DAB1: variants seen among roughly 807,000 people sequenced by gnomAD.
The protein encoded by DAB1 is DAB adaptor protein 1.
A neutral mutation model predicts 64.6 loss-of-function variants in DAB1; 15 were observed. The observed-to-expected ratio is 0.23, with a 90% CI of 0.16 to 0.36. DAB1 has a LOEUF of 0.36. DAB1 is among the 10% of genes least tolerant of loss of function. The probability of loss-of-function intolerance (pLI) is 1.00; values close to 1 mark genes in which losing one functional copy is unlikely to be tolerated. For synonymous variants in DAB1, 235 were observed against 251.9 expected (o/e 0.93, Z 0.64); for missense variants, 596 against 706.7 (o/e 0.84, Z 1.78).
intron 7 of DAB1, among the ~76,000 whole-genome samples, chr1:57,606,484 T>C (rs966650060): frequency 2.5e-5 from 3 of 117,802 alleles, no homozygotes; most frequent in African/African-American, 7.0e-5. Context: ...AAATATATAA[T>C]ACATATGAAA....
At chr1:57,197,261 T>C (rs1043390233) in intron 2 of DAB1, among the ~76,000 whole-genome samples, 10 of 151,716 alleles carry the variant, frequency 6.6e-5, no homozygotes, top group African/African-American at 2.4e-4. Flanking sequence ...CAAGAATCGC[T>C]TGAACCCAGG....
intron 4 of DAB1, among the ~76,000 whole-genome samples, chr1:58,229,181 T>C (rs1236282609): frequency 6.6e-6 from 1 of 152,122 alleles, no homozygotes; most frequent in Non-Finnish European, 1.5e-5. Context: ...GTATCCCAGG[T>C]TGGTCTCAAA....
chr1:57,489,650 C>A (rs952402059), intron 7 of DAB1, among the ~76,000 whole-genome samples: 2 of 150,020 alleles, frequency 1.3e-5, no homozygotes, highest in African/African-American at 5.1e-5. Flanking sequence ...CAGGGCCTAT[C>A]TTTTGCCCAG....
rs182843172 is a variant in DAB1 at position 57,819,007 on chromosome 1, T to A, written n.551+64992A>T. Among the ~76,000 whole-genome samples the A allele has an allele frequency of 2.4e-3, 359 of 152,294 alleles. 1 individual carries two copies. Among genetic ancestry groups the A allele is most frequent in the East Asian group, 6.4e-3 (33 of 5,176 alleles). ...GTGCCCGAAATTTAGTAAATTTTTT[T>A]AAAAAATCTCTAGTTACTATATTCT... On this transcript the variant is annotated intron_variant and non_coding_transcript_variant, in intron 6 of 20. Coordinates refer to the DAB1 transcript ENST00000485760.
At position 57,481,547 on chromosome 1, in the gene DAB1, T is replaced by C. The variant is rs1296983432; in HGVS notation, n.625+168045A>G. Among the ~76,000 whole-genome samples the C allele has an allele frequency of 2.6e-5, 4 of 152,330 alleles. No individual in the cohort carries two copies. The East Asian group carries it at 7.7e-4, about 29-fold the overall frequency. The stretch of plus-strand genomic sequence containing the variant: ...CGATGATGACGATGATGATGATACT[T>C]ACCTGATGCCTGTAATCCCAGCACT... On this transcript the variant is annotated intron_variant and non_coding_transcript_variant, in intron 7 of 20. Coordinates refer to the DAB1 transcript ENST00000485760.
intron 7 of DAB1, among the ~76,000 whole-genome samples, chr1:57,568,987 G>A (rs988252515): frequency 2.7e-4 from 41 of 152,034 alleles, no homozygotes; most frequent in Admixed American, 2.2e-3. Flanking sequence ...GGCCGGGCGC[G>A]GTGGCTCACG....
At chr1:57,470,579 C>T (rs1275062421) in intron 7 of DAB1, among the ~76,000 whole-genome samples, 1 of 152,080 alleles carries the variant, frequency 6.6e-6, no homozygotes, top group East Asian at 1.9e-4. Context: ...GGATAGCCCC[C>T]AAAAAGTCCG....
downstream of DAB1, among the ~76,000 whole-genome samples, chr1:57,822,131 C>A (rs760278519): frequency 6.6e-6 from 1 of 152,118 alleles, no homozygotes; most frequent in Non-Finnish European, 1.5e-5. Context: ...ACAATGTACA[C>A]AAAACATATC....
intron 1 of DAB1, among the ~76,000 whole-genome samples, chr1:57,327,759 A>T (rs891630752): frequency 5.9e-5 from 9 of 152,192 alleles, no homozygotes; most frequent in Admixed American, 3.3e-4. Flanking sequence ...TGGGTAGCTC[A>T]ACGGTGGCCT....
chr1:58,336,335 A>T (rs1663116754), intron 4 of DAB1, among the ~76,000 whole-genome samples: 3 of 152,196 alleles, frequency 2.0e-5, no homozygotes. Context: ...CAAAAGAAAG[A>T]ATTCTATGCT....
chr1:57,665,607 T>C (rs1345753824), intron 6 of DAB1, among the ~76,000 whole-genome samples: 1 of 152,162 alleles, frequency 6.6e-6, no homozygotes, highest in Non-Finnish European at 1.5e-5. Context: ...CTTAAATGCC[T>C]ATTTGTAGGG....
intron 3 of DAB1, among the ~76,000 whole-genome samples, chr1:58,498,619 A>G (rs985865646): frequency 2.6e-5 from 4 of 151,960 alleles, no homozygotes; most frequent in African/African-American, 9.7e-5. Context: ...AACAGAACAA[A>G]AACTCTATAA....
chr1:58,048,949 G>A (rs1185562687), intron 5 of DAB1: 7 of 858,988 alleles, frequency 8.1e-6, no homozygotes, highest in Admixed American at 6.8e-5. Context: ...GTTCTTCAGT[G>A]TCTTCTTTAA....
intron 4 of DAB1, among the ~76,000 whole-genome samples, chr1:58,306,308 G>A (rs1044915320): frequency 6.6e-6 from 1 of 152,130 alleles, no homozygotes; most frequent in African/African-American, 2.4e-5. Context: ...AAGGGGCAAG[G>A]TGAAATTTGG....
At chr1:57,295,096 G>A (rs1283272024) in intron 1 of DAB1, among the ~76,000 whole-genome samples, 1 of 152,136 alleles carries the variant, frequency 6.6e-6, no homozygotes, top group Non-Finnish European at 1.5e-5. Flanking sequence ...TTGAGGAACT[G>A]CTTAATGGGT....
At chr1:57,151,276 T>G (rs539087806) in intron 2 of DAB1, among the ~76,000 whole-genome samples, 1 of 152,238 alleles carries the variant, frequency 6.6e-6, no homozygotes, top group African/African-American at 2.4e-5. Context: ...ATTAATTGAT[T>G]CATTCATTCC....
Position 58,118,251 on chromosome 1 carries a change from C to T in DAB1, n.387+32260G>A, listed in dbSNP as rs528932611. Among the ~76,000 whole-genome samples the T allele has an allele frequency of 2.0e-5, 3 of 150,462 alleles. No homozygotes were observed. The East Asian group carries it at 5.9e-4, about 29-fold the overall frequency. On this transcript the variant is annotated intron_variant and non_coding_transcript_variant, in intron 5 of 20. Transcript: ENST00000485760. ...CTTCTAGGTCAGTGTTCTCAGACTC[C>T]CTCATTCACTCACTCACTCACTCAT...
chr1:57,826,930 T>C (rs1262137421), intron 1 of DAB1, among the ~76,000 whole-genome samples: 1 of 152,110 alleles, frequency 6.6e-6, no homozygotes, highest in Non-Finnish European at 1.5e-5. Context: ...AAGAAAGTAA[T>C]CAATAATCAT....
intron 1 of DAB1, among the ~76,000 whole-genome samples, chr1:57,870,196 T>C (rs1643916654): frequency 6.6e-6 from 1 of 152,090 alleles, no homozygotes; most frequent in Non-Finnish European, 1.5e-5. Context: ...GAGGCATACA[T>C]TAAATATTAG....
Sources: allele counts gnomAD v4.1 joint callset (sites outside exome capture counted in the v4.1 genomes callset), GRCh38; gene constraint gnomAD v4.1.1; transcripts MANE v1.5; gene names NCBI Gene and HGNC (gene_info 2026-07-23, HGNC 2026-07-21).